The following HDAC9 variants were observed in gnomAD, a reference collection of about 807,000 sequenced individuals.
HDAC9 encodes MEF-2 interacting transcription repressor (MITR) protein.
HDAC9 carries 41 observed loss-of-function variants against 139.4 expected under a neutral mutation model. That is an observed-to-expected ratio of 0.29 (90% CI 0.23 to 0.38). HDAC9 has a LOEUF of 0.38. Among genes scored for constraint, HDAC9 ranks in the 10% least tolerant of loss-of-function variants. The pLI is 1.00. For synonymous variants in HDAC9, 517 were observed against 476.2 expected, an observed-to-expected ratio of 1.09 and a Z score of -1.12; for missense variants, 1,147 against 1,297.0, an observed-to-expected ratio of 0.88 and a Z score of 1.78.
At chr7:18,736,444 AG>A (rs1307697246) in intron 13 of HDAC9, among the ~76,000 whole-genome samples, 1 of 152,202 alleles carries the variant, frequency 6.6e-6, no homozygotes, top group Non-Finnish European at 1.5e-5. Flanking sequence ...TTTAGCATGA[AG>A]GGCTGTTGAA....
chr7:18,819,108 T>C (rs1286389654), intron 17 of HDAC9, among the ~76,000 whole-genome samples: 1 of 152,040 alleles, frequency 6.6e-6, no homozygotes, highest in African/African-American at 2.4e-5. Context: ...GGCAAAACTC[T>C]GTCTCTACTA....
intron 25 of HDAC9, among the ~76,000 whole-genome samples, chr7:18,977,099 C>T (rs1022051458): frequency 6.6e-6 from 1 of 152,128 alleles, no homozygotes; most frequent in Non-Finnish European, 1.5e-5. Flanking sequence ...ACTTAAACAG[C>T]AGATTAGCAA....
intron 25 of HDAC9, among the ~76,000 whole-genome samples, chr7:18,988,508 G>T (rs928404645): frequency 1.3e-5 from 2 of 151,620 alleles, no homozygotes; most frequent in Non-Finnish European, 2.9e-5. Flanking sequence ...TGGAATAGGT[G>T]TGGTGTGGTG....
chr7:18,484,325 A>C (rs1178813792), intron 1 of HDAC9, among the ~76,000 whole-genome samples: 4 of 151,818 alleles, frequency 2.6e-5, no homozygotes, highest in African/African-American at 4.8e-5. Flanking sequence ...ACAGAGCAAG[A>C]TCCTATTAAA....
intron 13 of HDAC9, among the ~76,000 whole-genome samples, chr7:18,741,844 T>C (rs1228541274): frequency 6.6e-6 from 1 of 152,166 alleles, no homozygotes; most frequent in Non-Finnish European, 1.5e-5. Context: ...CCAGTTCTCA[T>C]GGATGACTTC....
At position 18,872,409 on chromosome 7, in the gene HDAC9, A is replaced by G. The variant is rs117762219; in HGVS notation, c.2685-2069A>G. ...TCAGAGATATGTGGCATAGAGAGCT[A>G]TAGTTCCCCTGTAAGTGGGTAAGAT... On this transcript the variant is annotated intron_variant, in intron 21 of 25. Coordinates refer to ENST00000686413, the MANE Select transcript of HDAC9 (RefSeq NM_178425.4). 2.3e-3 allele frequency among the ~76,000 whole-genome samples: 352 copies of G among 152,280 alleles called. 5 individuals carry two copies. The South Asian group carries it at 0.04, about 17-fold the overall frequency.
intron 1 of HDAC9, among the ~76,000 whole-genome samples, chr7:18,310,432 A>G (rs916615985): frequency 2.0e-5 from 3 of 152,198 alleles, no homozygotes; most frequent in Non-Finnish European, 4.4e-5. Context: ...TTTGGTCAGT[A>G]AAGTAAGAGT....
chr7:18,755,439 T>A (rs779064443), intron 14 of HDAC9, among the ~76,000 whole-genome samples: 50 of 152,312 alleles, frequency 3.3e-4, no homozygotes, highest in South Asian at 6.2e-4. Flanking sequence ...AAGAGTTATA[T>A]AATTTTCACC....
At chr7:18,418,118 G>C (rs933478649) in intron 1 of HDAC9, among the ~76,000 whole-genome samples, 1 of 152,216 alleles carries the variant, frequency 6.6e-6, no homozygotes, top group Non-Finnish European at 1.5e-5. Context: ...GATGGCTCAA[G>C]TCTAGAATCT....
chr7:18,799,775 A>G (rs1793137170), intron 17 of HDAC9, among the ~76,000 whole-genome samples: 1 of 152,228 alleles, frequency 6.6e-6, no homozygotes, highest in Non-Finnish European at 1.5e-5. Context: ...AAAGGTCTGT[A>G]GGACATGATC....
chr7:18,441,444 A>G (rs184832101), intron 1 of HDAC9, among the ~76,000 whole-genome samples: 3 of 152,374 alleles, frequency 2.0e-5, no homozygotes, highest in Admixed American at 6.5e-5. Flanking sequence ...TAGAAGTATT[A>G]GGTGCATATA....
At chr7:18,273,554 C>G (rs1271376991) in intron 2 of HDAC9, among the ~76,000 whole-genome samples, 1 of 151,988 alleles carries the variant, frequency 6.6e-6, no homozygotes, top group Admixed American at 6.6e-5. Flanking sequence ...GTATCTTTAC[C>G]TCATGAAAGC....
chr7:18,582,817 C>G lies in HDAC9; in HGVS notation c.23-2464C>G, dbSNP rs147024754. Among the ~76,000 whole-genome samples the G allele has an allele frequency of 2.6e-5, 4 of 152,044 alleles. No individual in the cohort carries two copies. In the South Asian group the frequency reaches 6.2e-4, roughly 24 times the overall value. On this transcript the variant is annotated intron_variant, in intron 2 of 25. Transcript: ENST00000686413. ...TAGAAATATGTAACACTTCTTGATA[C>G]GTATTACCAAATTGGTTTTGCATAA... is the stretch of plus-strand genomic sequence containing the variant.
intron 2 of HDAC9, among the ~76,000 whole-genome samples, chr7:18,555,924 T>G (rs1337763436): frequency 6.6e-6 from 1 of 152,032 alleles, no homozygotes; most frequent in Admixed American, 6.5e-5. Context: ...GATGAAAACC[T>G]TTTTACATAG....
chr7:18,432,303 C>G (rs1354061853), intron 1 of HDAC9, among the ~76,000 whole-genome samples: 2 of 152,200 alleles, frequency 1.3e-5, no homozygotes, highest in African/African-American at 4.8e-5. Flanking sequence ...GCAGCTCTCC[C>G]ATTCCATCCA....
chr7:18,586,731 G>C (rs1335096022), intron 3 of HDAC9, among the ~76,000 whole-genome samples: 1 of 151,920 alleles, frequency 6.6e-6, no homozygotes, highest in Non-Finnish European at 1.5e-5. Context: ...ATTTCTTTTA[G>C]TAGTGAACTT....
At chr7:18,656,637 G>A (rs888453481) in intron 11 of HDAC9, among the ~76,000 whole-genome samples, 1 of 152,080 alleles carries the variant, frequency 6.6e-6, no homozygotes, top group Admixed American at 6.6e-5. Flanking sequence ...GATTACATGA[G>A]AGAACATATC....
chr7:18,096,684 G>T (rs1192438835), intron 1 of HDAC9, among the ~76,000 whole-genome samples: 1 of 152,174 alleles, frequency 6.6e-6, no homozygotes, highest in Non-Finnish European at 1.5e-5. Flanking sequence ...AGCACTGTGT[G>T]CATTTGTTAT....
intron 2 of HDAC9, among the ~76,000 whole-genome samples, chr7:18,504,200 G>A (rs1489082190): frequency 5.9e-5 from 9 of 152,058 alleles, no homozygotes; most frequent in Non-Finnish European, 1.3e-4. Flanking sequence ...TTTTACATTA[G>A]GAACTATCCA....
Sources: allele counts gnomAD v4.1 joint callset (sites outside exome capture counted in the v4.1 genomes callset), GRCh38; gene constraint gnomAD v4.1.1; transcripts MANE v1.5; gene names NCBI Gene and HGNC (gene_info 2026-07-23, HGNC 2026-07-21).